Variants in IGSF21 observed in about 807,000 individuals in gnomAD.
The protein encoded by IGSF21 is immunoglobulin superfamily member 21.
A neutral mutation model predicts 46.8 loss-of-function variants in IGSF21; 28 were observed. The ratio of observed to expected loss-of-function variants is 0.60; its 90% CI spans 0.44 to 0.82. The LOEUF is 0.82. Ranked by LOEUF, IGSF21 falls within the 40% of genes least tolerant of loss-of-function variation. The pLI is 0.00. For missense variants in IGSF21, 624 were observed against 665.5 expected, an observed-to-expected ratio of 0.94 and a Z score of 0.69; for synonymous variants, 284 against 273.6, an observed-to-expected ratio of 1.04 and a Z score of -0.38.
At chr1:18,166,222 C>T (rs1175333171) in intron 1 of IGSF21, among the ~76,000 whole-genome samples, 1 of 152,084 alleles carries the variant, frequency 6.6e-6, no homozygotes, top group Admixed American at 6.5e-5. Flanking sequence ...AAAAATTTTA[C>T]CTTGTATATT....
chr1:18,340,998 TCC>T lies in IGSF21; in HGVS notation c.424+5989_424+5990del, dbSNP rs1396315240. ...CTTCTTCTTCTCCTTCTTCTTCTCC[TCC>T]TCCTCCTTCTTCTCTTCTTCTTCTT... On this transcript the variant is annotated intron_variant, in intron 4 of 9. Transcript: ENST00000251296. Among the ~76,000 whole-genome samples the T allele has an allele frequency of 3.3e-3, 417 of 127,304 alleles. 7 individuals carry two copies. The highest frequency in any genetic ancestry group is 0.011 in the African/African-American group (362 of 33,064). 83.5% of individuals were successfully genotyped at this position (127,304 alleles called of 152,430 possible).
At chr1:18,200,404 A>C (rs1371007537) in intron 1 of IGSF21, among the ~76,000 whole-genome samples, 2 of 152,158 alleles carry the variant, frequency 1.3e-5, no homozygotes, top group Non-Finnish European at 2.9e-5. Context: ...CTAGAAGTCC[A>C]AGATCGAGGT....
At chr1:18,362,333 G>A in intron 5 of IGSF21, 103 bp downstream of exon 5, 1 of 811,558 alleles carries the variant, frequency 1.2e-6, no homozygotes, top group Non-Finnish European at 2.0e-6. Context: ...AAAGGGAGTG[G>A]TTGGCCAGGG....
At chr1:18,374,109 C>A (rs543156236) in intron 6 of IGSF21, among the ~76,000 whole-genome samples, 1 of 152,284 alleles carries the variant, frequency 6.6e-6, no homozygotes, top group Admixed American at 6.5e-5. Flanking sequence ...CCAACAATGC[C>A]GCCCCAGCAG....
chr1:18,121,453 A>G (rs1033743714), intron 1 of IGSF21, among the ~76,000 whole-genome samples: 3 of 151,608 alleles, frequency 2.0e-5, no homozygotes, highest in Non-Finnish European at 2.9e-5. Context: ...CATCTACCTG[A>G]CTGTTGAAAT....
chr1:18,283,187 C>T (rs1315348766), intron 2 of IGSF21, among the ~76,000 whole-genome samples: 1 of 152,200 alleles, frequency 6.6e-6, no homozygotes, highest in Non-Finnish European at 1.5e-5. Context: ...TCTGCCATCG[C>T]ACGGTAACCG....
At chr1:18,230,731 G>T (rs1297329816) in intron 2 of IGSF21, among the ~76,000 whole-genome samples, 3 of 152,136 alleles carry the variant, frequency 2.0e-5, no homozygotes, top group African/African-American at 7.2e-5. Context: ...AGAGGCAGCT[G>T]AAGGGAGAGA....
At chr1:18,295,053 G>C (rs1389529429) in intron 3 of IGSF21, among the ~76,000 whole-genome samples, 1 of 152,230 alleles carries the variant, frequency 6.6e-6, no homozygotes, top group East Asian at 1.9e-4. Flanking sequence ...AATTGGCTGA[G>C]AGCAATTTCG....
chr1:18,334,857 T>C lies in IGSF21; in HGVS notation c.306-35T>C. On this transcript the variant is annotated intron_variant, in intron 3 of 9. Coordinates refer to ENST00000251296, the MANE Select transcript of IGSF21 (RefSeq NM_032880.5). This position sits in a 1 kb window ranked among gnomAD's most constrained non-coding sequence, Gnocchi z 4.3. Reference sequence around the variant, plus strand: ...AACGCTGCCTCACCCAGCCCCACGATGAAGGGCCCTCACCCTGTCTTCTGC... The same window carrying C: ...AACGCTGCCTCACCCAGCCCCACGACGAAGGGCCCTCACCCTGTCTTCTGC... 6.6e-7 allele frequency: 1 copy of C among 1,522,486 alleles called. No homozygotes were observed. Among genetic ancestry groups the C allele is most frequent in the Non-Finnish European group, 9.1e-7 (1 of 1,097,158 alleles). The allele number at this position is 1,522,486 out of a possible 1,614,324, so 94.3% of individuals were successfully genotyped here. A position where few individuals can be genotyped will look rare whatever the true frequency, so the allele number is the denominator to read the frequency against.
At chr1:18,317,967 C>T (rs1305810089) in intron 3 of IGSF21, among the ~76,000 whole-genome samples, 1 of 152,232 alleles carries the variant, frequency 6.6e-6, no homozygotes, top group Non-Finnish European at 1.5e-5. Flanking sequence ...AGCTGGGCAG[C>T]TAGGCTCTAG....
intron 2 of IGSF21, among the ~76,000 whole-genome samples, chr1:18,243,752 C>T (rs909827104): frequency 1.3e-5 from 2 of 152,190 alleles, no homozygotes; most frequent in Non-Finnish European, 2.9e-5. Flanking sequence ...ACCTCCAGAT[C>T]CACGATGTGC....
chr1:18,341,666 T>C (rs943974765), intron 4 of IGSF21, among the ~76,000 whole-genome samples: 1 of 152,218 alleles, frequency 6.6e-6, no homozygotes, highest in Admixed American at 6.5e-5. Flanking sequence ...TAATGTCACT[T>C]CCCTACATCA....
At position 18,253,842 on chromosome 1, in the gene IGSF21, T is replaced by A. The variant is rs561338845; in HGVS notation, c.183+25832T>A. Among the ~76,000 whole-genome samples, 64 of 152,278 alleles carry A rather than the reference T, an allele frequency of 4.2e-4. 1 individual carries two copies. The highest frequency in any genetic ancestry group is 1.5e-3 in the African/African-American group (63 of 41,556). On this transcript the variant is annotated intron_variant, in intron 2 of 9. Transcript: ENST00000251296. ...AAATGAGATAATGGAGTGAGGTTACTCAAAGAAGCCTTTCTGAAACAGCAG... is the reference window on the plus strand; with the variant it reads ...AAATGAGATAATGGAGTGAGGTTACACAAAGAAGCCTTTCTGAAACAGCAG...
intron 2 of IGSF21, among the ~76,000 whole-genome samples, chr1:18,233,994 A>G (rs1399437): frequency 0.96 from 146,648 of 152,230 alleles, 70,834 homozygotes; most frequent in East Asian, 1. Flanking sequence ...GGAGACAGGA[A>G]ACAATACAGT....
At position 18,359,383 on chromosome 1, in the gene IGSF21, A is replaced by AAAGAAAGAAAGAATGG. The variant is rs1557659626; in HGVS notation, c.425-2729_425-2728insAAAGAAAGAATGGAAG. Among the ~76,000 whole-genome samples the AAAGAAAGAAAGAATGG allele has an allele frequency of 3.6e-4, 22 of 61,104 alleles. 1 individual carries two copies. The highest frequency in any genetic ancestry group is 1.4e-3 in the African/African-American group (21 of 14,970). 40.1% of individuals were successfully genotyped at this position (61,104 alleles called of 152,430 possible). ...GAAAGAAAGAAAGAAAGAAAGAAAG[A>AAAGAAAGAAAGAATGG]AAGGAAGGAAGGAAGGAAGGAAGGA... is the stretch of plus-strand genomic sequence containing the variant. On this transcript the variant is annotated intron_variant, in intron 4 of 9. Transcript: ENST00000251296.
chr1:18,292,338 C>T (rs956754330), intron 3 of IGSF21, among the ~76,000 whole-genome samples: 10 of 152,218 alleles, frequency 6.6e-5, no homozygotes, highest in African/African-American at 2.2e-4. Flanking sequence ...ACAATGACAC[C>T]GCTGGGCGGT....
intron 1 of IGSF21, among the ~76,000 whole-genome samples, chr1:18,148,129 C>CTT (rs58426436): frequency 0.46 from 49,372 of 108,238 alleles, 13,800 homozygotes; most frequent in East Asian, 0.82. Context: ...CAAGTATGTC[C>CTT]TTTTTTTTTT....
intron 1 of IGSF21, among the ~76,000 whole-genome samples, chr1:18,203,762 A>G (rs1386382169): frequency 2.0e-5 from 3 of 152,220 alleles, no homozygotes; most frequent in Admixed American, 6.5e-5. Flanking sequence ...TGCCTCCAGT[A>G]TTAGTTCTTT....
At chr1:18,315,547 TGATG>T (rs34398523) in intron 3 of IGSF21, among the ~76,000 whole-genome samples, 3 of 149,268 alleles carry the variant, frequency 2.0e-5, no homozygotes, top group South Asian at 2.2e-4. Flanking sequence ...AGTGGATGGA[TGATG>T]GATGGATGGA....
Sources: allele counts gnomAD v4.1 joint callset (sites outside exome capture counted in the v4.1 genomes callset), GRCh38; gene constraint gnomAD v4.1.1; non-coding constraint Gnocchi (gnomAD v3.1); transcripts MANE v1.5; gene names NCBI Gene and HGNC (gene_info 2026-07-23, HGNC 2026-07-21).